The following RBFOX1 variants were observed in gnomAD, a reference collection of about 807,000 sequenced individuals.
RBFOX1 encodes RNA binding fox-1 homolog 1, also known as RNA binding protein fox-1 homolog 1.
In RBFOX1, 8 loss-of-function variants were observed where a neutral mutation model predicts 57.7. The ratio of observed to expected loss-of-function variants is 0.14; its 90% CI spans 0.08 to 0.25. The LOEUF is 0.25. RBFOX1 is among the 10% of genes least tolerant of loss of function. RBFOX1 has a pLI of 1.00. For missense variants in RBFOX1, 611 were observed against 548.5 expected (o/e 1.11, Z -1.14); for synonymous variants, 326 against 222.4 (o/e 1.47, Z -4.15).
At chr16:7,126,143 A>C (rs1424709063) in intron 4 of RBFOX1, 1 of 153,400 alleles carries the variant, frequency 6.5e-6, no homozygotes, top group African/African-American at 2.4e-5. Context: ...TCCCCATGAA[A>C]ATAACTGTGT....
At chr16:6,513,153 C>G (rs565422362) in intron 2 of RBFOX1, among the ~76,000 whole-genome samples, 26 of 152,292 alleles carry the variant, frequency 1.7e-4, no homozygotes, top group African/African-American at 6.0e-4. Flanking sequence ...AGGTAGCTCT[C>G]TGAGCTTCAG....
At chr16:6,996,614 T>C (rs1334770275) in intron 3 of RBFOX1, among the ~76,000 whole-genome samples, 1 of 152,208 alleles carries the variant, frequency 6.6e-6, no homozygotes, top group Non-Finnish European at 1.5e-5. Context: ...TGTATTTTCA[T>C]TTAACCAATG....
intron 4 of RBFOX1, among the ~76,000 whole-genome samples, chr16:7,468,703 G>T (rs924953991): frequency 1.3e-5 from 2 of 152,110 alleles, no homozygotes; most frequent in African/African-American, 4.8e-5. Flanking sequence ...AAGATAGGTT[G>T]TTTAAACTGT....
chr16:6,673,451 G>C (rs547566651), intron 3 of RBFOX1, among the ~76,000 whole-genome samples: 4 of 152,228 alleles, frequency 2.6e-5, no homozygotes, highest in African/African-American at 7.2e-5. Context: ...AGTCGGGCCT[G>C]GTGGTGCATG....
chr16:6,200,327 C>G (rs2097207027), intron 1 of RBFOX1, among the ~76,000 whole-genome samples: 2 of 151,992 alleles, frequency 1.3e-5, no homozygotes, highest in African/African-American at 4.8e-5. Flanking sequence ...TCATTGTATG[C>G]CCCGAAAGAG....
At chr16:5,601,635 A>C (rs1269563048), downstream of RBFOX1, 1 of 152,208 alleles carries the variant, frequency 6.6e-6, no homozygotes, top group Non-Finnish European at 1.5e-5. Flanking sequence ...TTGCAGTTCC[A>C]CCCAGGATGC....
intron 4 of RBFOX1, among the ~76,000 whole-genome samples, chr16:7,295,174 C>T (rs1320614450): frequency 6.6e-6 from 1 of 152,156 alleles, no homozygotes; most frequent in African/African-American, 2.4e-5. Context: ...TCATTTGATT[C>T]ATTAGCAAGG....
chr16:6,828,602 C>A (rs375619148), intron 3 of RBFOX1, among the ~76,000 whole-genome samples: 1 of 151,784 alleles, frequency 6.6e-6, no homozygotes, highest in Non-Finnish European at 1.5e-5. Flanking sequence ...CGGGCATGGA[C>A]CAAGCTGGCT....
intron 4 of RBFOX1, among the ~76,000 whole-genome samples, chr16:7,511,385 C>G (rs1002139508): frequency 3.9e-5 from 6 of 152,164 alleles, no homozygotes; most frequent in Non-Finnish European, 8.8e-5. Flanking sequence ...ACAAAACTCT[C>G]TCATCTTATT....
intron 3 of RBFOX1, among the ~76,000 whole-genome samples, chr16:6,946,084 C>T (rs899847518): frequency 1.7e-4 from 26 of 152,222 alleles, no homozygotes; most frequent in African/African-American, 5.8e-4. Flanking sequence ...CAGCAACCTT[C>T]AATGGGTAAC....
intron 1 of RBFOX1, among the ~76,000 whole-genome samples, chr16:6,225,069 C>T (rs115289553): frequency 0.02 from 3,075 of 150,640 alleles, 120 homozygotes; most frequent in African/African-American, 0.071. Flanking sequence ...GAATTTGGGG[C>T]TGTCCCCAGT....
chr16:5,331,293 G>C (rs530424460), intron 1 of RBFOX1, among the ~76,000 whole-genome samples: 8 of 152,300 alleles, frequency 5.3e-5, no homozygotes, highest in South Asian at 2.1e-4. Context: ...TTTGGGCTTC[G>C]TATCAGTCAA....
At chr16:6,708,473 C>T (rs373236776) in intron 3 of RBFOX1, among the ~76,000 whole-genome samples, 4 of 152,164 alleles carry the variant, frequency 2.6e-5, no homozygotes, top group South Asian at 2.1e-4. Context: ...ACATGCTGCC[C>T]AATGAGGGTC....
At chr16:6,038,020 G>A (rs1403242794) in intron 1 of RBFOX1, 1 of 152,130 alleles carries the variant, frequency 6.6e-6, no homozygotes, top group Non-Finnish European at 1.5e-5. Context: ...GCTGTAGGAA[G>A]TTAGAGAAGA....
At position 5,424,951 on chromosome 16, in the gene RBFOX1, CCTTTG is replaced by C. The variant is rs1567490301; in HGVS notation, c.220-42264_220-42260del. Among the ~76,000 whole-genome samples the C allele has an allele frequency of 1.4e-4, 11 of 79,702 alleles. 1 individual carries two copies. Among genetic ancestry groups the C allele is most frequent in the African/African-American group, 4.9e-4 (9 of 18,498 alleles). 52.3% of individuals were successfully genotyped at this position (79,702 alleles called of 152,430 possible). A position where few individuals can be genotyped will look rare whatever the true frequency, so the allele number is the denominator to read the frequency against. On this transcript the variant is annotated intron_variant, in intron 1 of 2. Coordinates refer to the RBFOX1 transcript ENST00000585867. Reference sequence around the variant, plus strand: ...TCTTTCTTTCTCTCTCTTCTTTCTTCCTTTGTTTCTTTCTCTTTCTTTCTTTCTTT... The same window carrying C: ...TCTTTCTTTCTCTCTCTTCTTTCTTCTTTCTTTCTCTTTCTTTCTTTCTTT...
intron 4 of RBFOX1, among the ~76,000 whole-genome samples, chr16:5,928,388 T>C (rs2058978406): frequency 6.6e-6 from 1 of 151,030 alleles, no homozygotes; most frequent in African/African-American, 2.4e-5. Flanking sequence ...CAGTCATGCA[T>C]AGATTTTAAA....
chr16:5,303,173 G>A (rs993111195), intron 1 of RBFOX1, among the ~76,000 whole-genome samples: 3 of 152,172 alleles, frequency 2.0e-5, no homozygotes, highest in African/African-American at 7.2e-5. Flanking sequence ...GACTCACAGA[G>A]GCTGCTGGTC....
intron 3 of RBFOX1, among the ~76,000 whole-genome samples, chr16:6,909,886 G>C (rs1024396129): frequency 2.0e-5 from 3 of 152,008 alleles, no homozygotes; most frequent in Non-Finnish European, 4.4e-5. Flanking sequence ...CCTGCATATC[G>C]GTTCCTTTGC....
chr16:5,987,030 C>G (rs1167182259), intron 4 of RBFOX1, among the ~76,000 whole-genome samples: 1 of 152,178 alleles, frequency 6.6e-6, no homozygotes, highest in African/African-American at 2.4e-5. Context: ...TCCTCACCAG[C>G]TTTTGGGATT....
Sources: gnomAD v4.1 joint callset for allele counts (sites outside exome capture counted in the v4.1 genomes callset) on GRCh38, gnomAD v4.1.1 for gene constraint, MANE v1.5 for transcripts, NCBI Gene and HGNC (gene_info 2026-07-23, HGNC 2026-07-21) for gene names.